The following BAZ1B variants were observed in gnomAD, a reference collection of about 807,000 sequenced individuals.
BAZ1B encodes the protein tyrosine-protein kinase BAZ1B.
Under a neutral mutation model 153.8 loss-of-function variants are expected in BAZ1B, and 22 were observed. That is an observed-to-expected ratio of 0.14 (90% CI 0.10 to 0.20). The LOEUF is 0.20. Among genes scored for constraint, BAZ1B ranks in the 10% least tolerant of loss-of-function variants. BAZ1B has a pLI of 1.00. For synonymous variants in BAZ1B, 676 were observed against 633.4 expected (o/e 1.07, Z -1.01); for missense variants, 1,325 against 1,799.3 (o/e 0.74, Z 4.77).
At chr7:73,495,991 C>T (rs918335650) in intron 4 of BAZ1B, among the ~76,000 whole-genome samples, 1 of 152,146 alleles carries the variant, frequency 6.6e-6, no homozygotes, top group East Asian at 1.9e-4. Flanking sequence ...GCACTTCTAC[C>T]CTTGAACTTA....
intron 7 of BAZ1B, among the ~76,000 whole-genome samples, chr7:73,472,231 C>T (rs186597797): frequency 7.2e-5 from 11 of 151,918 alleles, no homozygotes; most frequent in African/African-American, 2.2e-4. Context: ...CTACATTCTG[C>T]TTCATCTGGA....
intron 6 of BAZ1B, among the ~76,000 whole-genome samples, chr7:73,483,700 G>A (rs1789286829): frequency 1.3e-5 from 2 of 151,926 alleles, no homozygotes; most frequent in Admixed American, 1.3e-4. Flanking sequence ...GGAGTGCAGT[G>A]GCATGATCAC....
chr7:73,510,421 C>T (rs1040508689), intron 2 of BAZ1B, among the ~76,000 whole-genome samples: 3 of 152,008 alleles, frequency 2.0e-5, no homozygotes, highest in African/African-American at 7.2e-5. Context: ...AGCGAGATTC[C>T]GTCTCAAAAA....
chr7:73,496,846 T>C (rs1554576450), intron 4 of BAZ1B, among the ~76,000 whole-genome samples: 2 of 151,738 alleles, frequency 1.3e-5, no homozygotes, highest in Non-Finnish European at 2.9e-5. Context: ...CAAAAACCTG[T>C]GTATACAGCC....
chr7:73,522,246 A>C lies in BAZ1B; in HGVS notation c.-313T>G, dbSNP rs1204763972. 5.3e-6 allele frequency: 2 copies of C among 378,148 alleles called. No individual in the cohort carries two copies. The highest frequency in any genetic ancestry group is 9.4e-6 in the Non-Finnish European group (2 of 212,954). 23.4% of individuals were successfully genotyped at this position (378,148 alleles called of 1,614,324 possible). On this transcript the variant is annotated 5_prime_UTR_variant, in exon 1 of 20. Transcript: ENST00000339594. ...CAGCACCGGAGGAAATTATTGAAAAATGGCGGGAGATTCCCCTCCTCCCCC... is the reference window on the plus strand; with the variant it reads ...CAGCACCGGAGGAAATTATTGAAAACTGGCGGGAGATTCCCCTCCTCCCCC...
intron 12 of BAZ1B, 152 bp downstream of exon 12, chr7:73,462,770 A>C: frequency 2.6e-6 from 2 of 767,174 alleles, no homozygotes; most frequent in Non-Finnish European, 4.3e-6. Context: ...ACATATACAT[A>C]AGGTATTTTT....
chr7:73,466,061 A>G (rs76285251), intron 10 of BAZ1B, among the ~76,000 whole-genome samples: 1,712 of 152,344 alleles, frequency 0.011, 36 homozygotes, highest in African/African-American at 0.04. Flanking sequence ...CACATAATAT[A>G]CAAAGTTATA....
At chr7:73,501,150 G>A (rs782164220) in intron 3 of BAZ1B, among the ~76,000 whole-genome samples, 5 of 152,042 alleles carry the variant, frequency 3.3e-5, no homozygotes, top group South Asian at 2.1e-4. Flanking sequence ...CAGCTGCTCG[G>A]GAGGCTGAGA....
At chr7:73,476,141 G>A (rs1279735207) in intron 7 of BAZ1B, among the ~76,000 whole-genome samples, 1 of 152,120 alleles carries the variant, frequency 6.6e-6, no homozygotes, top group Non-Finnish European at 1.5e-5. Flanking sequence ...ACTAGTGGTT[G>A]CTCAGGGCTG....
intron 1 of BAZ1B, among the ~76,000 whole-genome samples, chr7:73,511,450 G>A (rs782263491): frequency 1.3e-4 from 19 of 151,062 alleles, no homozygotes; most frequent in African/African-American, 4.4e-4. Context: ...AATCACTTGA[G>A]ACCAGGAGTT....
chr7:73,489,607 G>A (rs1465636242), intron 5 of BAZ1B, among the ~76,000 whole-genome samples: 1 of 152,160 alleles, frequency 6.6e-6, no homozygotes, highest in Non-Finnish European at 1.5e-5. Context: ...TTGAGGCCAG[G>A]AGTTACAGAT....
intron 17 of BAZ1B, among the ~76,000 whole-genome samples, chr7:73,443,315 C>T (rs782307956): frequency 6.6e-6 from 1 of 152,158 alleles, no homozygotes; most frequent in Non-Finnish European, 1.5e-5. Context: ...GGCTCTTCCA[C>T]CGTAGACATG....
At chr7:73,484,553 C>T (rs548839952) in intron 6 of BAZ1B, among the ~76,000 whole-genome samples, 4 of 151,822 alleles carry the variant, frequency 2.6e-5, no homozygotes, top group Admixed American at 6.6e-5. Flanking sequence ...CTAAGGTAGG[C>T]GGATTGCTTA....
intron 4 of BAZ1B, among the ~76,000 whole-genome samples, chr7:73,495,686 A>G (rs1304192371): frequency 6.6e-6 from 1 of 152,240 alleles, no homozygotes; most frequent in African/African-American, 2.4e-5. Context: ...TACACCATGG[A>G]ATACTATGCA....
At chr7:73,468,749 CTT>C (rs781821376) in intron 9 of BAZ1B, among the ~76,000 whole-genome samples, 5 of 152,176 alleles carry the variant, frequency 3.3e-5, no homozygotes, top group Admixed American at 6.5e-5. Context: ...CCTTATCTGT[CTT>C]GTTTGCTGCT....
At chr7:73,509,953 C>T (rs1554578343) in intron 2 of BAZ1B, among the ~76,000 whole-genome samples, 1 of 150,992 alleles carries the variant, frequency 6.6e-6, no homozygotes, top group Non-Finnish European at 1.5e-5. Flanking sequence ...ATGGTGAAAC[C>T]CCATCTCTAC....
rs367572635 is a variant in BAZ1B, at chr7:73,451,044, T to A, written c.3433-50A>T. ...GCATTACTACACTGACCAAAGACAC[T>A]GAGAGAGAACTAGGAACAGGGGACA... On this transcript the variant is annotated intron_variant, in intron 13 of 19. Transcript: ENST00000339594. 8.1e-6 allele frequency: 13 copies of A among 1,595,606 alleles called. No homozygotes were observed. In the African/African-American group the frequency reaches 1.7e-4, roughly 21 times the overall value.
At chr7:73,503,351 T>C (rs1554577377) in intron 3 of BAZ1B, among the ~76,000 whole-genome samples, 1 of 152,124 alleles carries the variant, frequency 6.6e-6, no homozygotes, top group African/African-American at 2.4e-5. Flanking sequence ...TGGACATACA[T>C]ACTTCCCTAG....
chr7:73,493,467 GAA>G (rs1789737462), intron 4 of BAZ1B, among the ~76,000 whole-genome samples: 1 of 151,560 alleles, frequency 6.6e-6, no homozygotes, highest in African/African-American at 2.4e-5. Flanking sequence ...CTCAAAAAAA[GAA>G]AAGAAAAGAA....
Sources: gnomAD v4.1 joint callset for allele counts (sites outside exome capture counted in the v4.1 genomes callset) on GRCh38, gnomAD v4.1.1 for gene constraint, MANE v1.5 for transcripts, NCBI Gene and HGNC (gene_info 2026-07-23, HGNC 2026-07-21) for gene names.